Variants in TTLL11 observed in about 807,000 individuals in gnomAD.
TTLL11 encodes tubulin tyrosine ligase like 11, also known as tubulin polyglutamylase TTLL11.
TTLL11 carries 42 observed loss-of-function variants against 51.7 expected under a neutral mutation model. The ratio of observed to expected loss-of-function variants is 0.81; its 90% CI spans 0.64 to 1.05. The LOEUF (loss-of-function observed/expected upper bound fraction) is 1.05. Among genes scored for constraint, TTLL11 ranks in the 50% least tolerant of loss-of-function variants. The pLI is 0.00. For synonymous variants in TTLL11, 381 were observed against 383.5 expected (o/e 0.99, Z 0.08); for missense variants, 799 against 940.4 (o/e 0.85, Z 1.97).
chr9:121,997,122 T>C (rs1164274842), intron 3 of TTLL11, among the ~76,000 whole-genome samples: 1 of 152,230 alleles, frequency 6.6e-6, no homozygotes, highest in Non-Finnish European at 1.5e-5. Flanking sequence ...TGCAACTTAA[T>C]GGACCCTGCT....
In TTLL11 at chr9:121,826,206, ATATATATATATG is replaced by A. The variant is rs1200560070; in HGVS notation, c.1841-3339_1841-3328del. On this transcript the variant is annotated intron_variant, in intron 8 of 8. Coordinates refer to ENST00000321582, the MANE Select transcript of TTLL11 (RefSeq NM_001139442.2). Reference sequence around the variant, plus strand: ...AACCTATATATATATATATATATATATATATATATATGCACACATATATATATACACGCACAT... The same window carrying A: ...AACCTATATATATATATATATATATACACACATATATATATACACGCACAT... Among the ~76,000 whole-genome samples the A allele has an allele frequency of 4.4e-5, 5 of 114,208 alleles. 1 individual carries two copies. The highest frequency in any genetic ancestry group is 1.2e-4 in the African/African-American group (3 of 25,862). 74.9% of individuals were successfully genotyped at this position (114,208 alleles called of 152,430 possible).
At chr9:121,934,935 C>T (rs984519786) in intron 6 of TTLL11, among the ~76,000 whole-genome samples, 1 of 152,038 alleles carries the variant, frequency 6.6e-6, no homozygotes, top group Non-Finnish European at 1.5e-5. Context: ...TACTAGTCCA[C>T]CTCAGTGCCC....
chr9:122,047,743 C>T (rs924267811), intron 1 of TTLL11, among the ~76,000 whole-genome samples: 2 of 152,030 alleles, frequency 1.3e-5, no homozygotes, highest in Non-Finnish European at 2.9e-5. Flanking sequence ...TTCCTGATTC[C>T]CTTACTATGC....
rs921690916 is a variant in TTLL11 at position 121,977,641 on chromosome 9, T to A, written c.1270-2662A>T. ...AATGTTACTTACTTACCTTAGTTCA[T>A]CCATTCAGAAAATATTTATTTTTAA... is the stretch of plus-strand genomic sequence containing the variant. On this transcript the variant is annotated intron_variant, in intron 4 of 8. Transcript: ENST00000321582. 4.0e-5 allele frequency among the ~76,000 whole-genome samples: 6 copies of A among 151,756 alleles called. No individual in the cohort carries two copies. In the Admixed American group the frequency reaches 4.0e-4, roughly 10 times the overall value.
rs1237016135 is a variant in TTLL11, at chr9:121,821,454, C to A, written c.*1133G>T. Among the ~76,000 whole-genome samples the A allele has an allele frequency of 6.6e-6, 1 of 152,170 alleles. No individual in the cohort carries two copies. The highest frequency in any genetic ancestry group is 1.5e-5 in the Non-Finnish European group (1 of 68,028). On this transcript the variant is annotated 3_prime_UTR_variant, in exon 9 of 9. Coordinates refer to ENST00000321582, the MANE Select transcript of TTLL11 (RefSeq NM_001139442.2). The surrounding 1 kb of genome is among the most constrained non-coding windows in gnomAD (Gnocchi z 5.0). ...TTTAAAGGGATCCTCCAGGAAAGGG[C>A]CACATTAACCCCAAATCCAACCACA...
chr9:121,870,433 C>T lies in TTLL11; in HGVS notation c.1733+64G>A, dbSNP rs1025572547. The T allele has an allele frequency of 8.0e-6, 12 of 1,504,740 alleles. No homozygotes were observed. The African/African-American group carries it at 9.7e-5, about 12-fold the overall frequency. The allele number at this position is 1,504,740 out of a possible 1,614,324, so 93.2% of individuals were successfully genotyped here. On this transcript the variant is annotated intron_variant, in intron 7 of 8. Transcript: ENST00000321582. ...GAGCGCAGTCAGGGAGACCCGCCAG[C>T]CAGATGTGAGACTGGACTCCACCCA...
intron 6 of TTLL11, among the ~76,000 whole-genome samples, chr9:121,881,790 G>A (rs1340557667): frequency 6.6e-6 from 1 of 152,160 alleles, no homozygotes; most frequent in Admixed American, 6.5e-5. Context: ...GGGAAAAAGG[G>A]AATCACTCTT....
At chr9:122,044,677 C>CA (rs1292785179) in intron 1 of TTLL11, among the ~76,000 whole-genome samples, 2 of 152,250 alleles carry the variant, frequency 1.3e-5, no homozygotes, top group Non-Finnish European at 2.9e-5. Flanking sequence ...ACAAAATGGA[C>CA]AAAAGTCCTG....
chr9:121,830,434 CAGTCTGTATAA>C (rs1186473424), intron 8 of TTLL11, among the ~76,000 whole-genome samples: 1 of 152,168 alleles, frequency 6.6e-6, no homozygotes, highest in Non-Finnish European at 1.5e-5. Flanking sequence ...CTGCACAGTC[CAGTCTGTATAA>C]ACTTCACTTG....
Position 121,904,250 on chromosome 9 carries a change from C to G in TTLL11, c.1482-33502G>C, listed in dbSNP as rs368964830. ...GGCATGCAGTGGCACGATCTTGGCT[C>G]ACTGCAACCTCCGCCTCCCGGGTTC... On this transcript the variant is annotated intron_variant, in intron 6 of 8. Coordinates refer to ENST00000321582, the MANE Select transcript of TTLL11 (RefSeq NM_001139442.2). Among the ~76,000 whole-genome samples the G allele has an allele frequency of 8.6e-5, 13 of 151,182 alleles. 1 individual carries two copies. The highest frequency in any genetic ancestry group is 4.2e-4 in the South Asian group (2 of 4,794).
intron 6 of TTLL11, among the ~76,000 whole-genome samples, chr9:121,904,295 G>T (rs1419146899): frequency 6.6e-6 from 1 of 151,906 alleles, no homozygotes; most frequent in African/African-American, 2.4e-5. Flanking sequence ...TCCTGCCTCA[G>T]CCTCCTGAGT....
chr9:121,877,294 A>C (rs1055614756), intron 6 of TTLL11, among the ~76,000 whole-genome samples: 4 of 152,240 alleles, frequency 2.6e-5, no homozygotes, highest in Admixed American at 6.5e-5. Context: ...GGATGAAGTC[A>C]CTAAAAATAA....
chr9:121,857,104 C>T (rs1837846902), intron 8 of TTLL11, among the ~76,000 whole-genome samples: 1 of 152,200 alleles, frequency 6.6e-6, no homozygotes, highest in Non-Finnish European at 1.5e-5. Flanking sequence ...CTTTCATGCC[C>T]AGGCCCACTT....
chr9:122,028,082 A>T (rs888524560), intron 3 of TTLL11, among the ~76,000 whole-genome samples: 3 of 152,230 alleles, frequency 2.0e-5, no homozygotes, highest in Non-Finnish European at 2.9e-5. Flanking sequence ...TTAAAGATGC[A>T]TTGTAAACCC....
chr9:121,847,478 C>A (rs960626520), intron 8 of TTLL11, among the ~76,000 whole-genome samples: 1 of 152,050 alleles, frequency 6.6e-6, no homozygotes, highest in African/African-American at 2.4e-5. Context: ...ATCACTATCA[C>A]TACTTATCCC....
At chr9:122,006,352 AAG>A (rs1554781204) in intron 3 of TTLL11, among the ~76,000 whole-genome samples, 7 of 151,984 alleles carry the variant, frequency 4.6e-5, no homozygotes, top group African/African-American at 1.5e-4. Context: ...AAAAAAAAAA[AAG>A]AATTATGTAA....
At chr9:121,952,243 G>A (rs903883801) in intron 6 of TTLL11, among the ~76,000 whole-genome samples, 3 of 151,992 alleles carry the variant, frequency 2.0e-5, no homozygotes, top group Non-Finnish European at 4.4e-5. Context: ...TCAAGAGATC[G>A]AGACCATCCT....
chr9:121,836,673 G>C (rs1270731208), intron 8 of TTLL11, among the ~76,000 whole-genome samples: 1 of 152,166 alleles, frequency 6.6e-6, no homozygotes, highest in Non-Finnish European at 1.5e-5. Context: ...TTCACAGATG[G>C]GCAAGCCTCC....
chr9:122,081,198 G>A (rs1260013119), intron 1 of TTLL11, among the ~76,000 whole-genome samples: 1 of 152,142 alleles, frequency 6.6e-6, no homozygotes, highest in Non-Finnish European at 1.5e-5. Context: ...ATTTCTAAAG[G>A]GGCCAGGAAC....
Sources: allele counts gnomAD v4.1 joint callset (sites outside exome capture counted in the v4.1 genomes callset), GRCh38; gene constraint gnomAD v4.1.1; non-coding constraint Gnocchi (gnomAD v3.1); transcripts MANE v1.5; gene names NCBI Gene and HGNC (gene_info 2026-07-23, HGNC 2026-07-21).